MGAT5: variants seen among roughly 807,000 people sequenced by gnomAD.
The protein encoded by MGAT5 is alpha-1,6-mannosylglycoprotein 6-beta-N-acetylglucosaminyltransferase A.
In MGAT5, 30 loss-of-function variants were observed where a neutral mutation model predicts 94.3. The ratio of observed to expected loss-of-function variants is 0.32; its 90% confidence interval spans 0.24 to 0.43. The LOEUF (loss-of-function observed/expected upper bound fraction) is 0.43. Ranked by LOEUF, MGAT5 falls within the 20% of genes least tolerant of loss-of-function variation. The probability of loss-of-function intolerance (pLI) is 1.00; values close to 1 mark genes in which losing one functional copy is unlikely to be tolerated. For missense variants in MGAT5, 691 were observed against 905.5 expected (o/e 0.76, Z 3.04); for synonymous variants, 310 against 322.9 (o/e 0.96, Z 0.43).
intron 11 of MGAT5, among the ~76,000 whole-genome samples, chr2:134,407,778 G>A (rs1345777483): frequency 6.6e-6 from 1 of 152,162 alleles, no homozygotes; most frequent in Non-Finnish European, 1.5e-5. Context: ...AATGATACAA[G>A]CATAAAACTT....
At chr2:134,434,631 C>G (rs1396547128) in intron 14 of MGAT5, among the ~76,000 whole-genome samples, 1 of 151,234 alleles carries the variant, frequency 6.6e-6, no homozygotes, top group African/African-American at 2.4e-5. Flanking sequence ...TTCCCAGCAC[C>G]AGCTATCTGC....
At chr2:134,160,097 C>T (rs541798395) in intron 1 of MGAT5, among the ~76,000 whole-genome samples, 2 of 152,256 alleles carry the variant, frequency 1.3e-5, no homozygotes, top group African/African-American at 4.8e-5. Context: ...CCAGACAAGT[C>T]AATCAGCATA....
At chr2:134,436,614 C>T (rs555976826) in intron 14 of MGAT5, among the ~76,000 whole-genome samples, 1 of 152,246 alleles carries the variant, frequency 6.6e-6, no homozygotes, top group East Asian at 1.9e-4. Context: ...GCCATCCTGC[C>T]CTGCTGGACC....
At chr2:134,345,175 A>G in intron 8 of MGAT5, 111 bp downstream of exon 8, 4 of 1,083,450 alleles carry the variant, frequency 3.7e-6, no homozygotes, top group Non-Finnish European at 5.2e-6. Flanking sequence ...AGCTGTATGG[A>G]GTGTTGCTCA....
chr2:134,237,396 G>A (rs1406172443), intron 1 of MGAT5, among the ~76,000 whole-genome samples: 1 of 152,120 alleles, frequency 6.6e-6, no homozygotes, highest in African/African-American at 2.4e-5. Flanking sequence ...AATAATCTGG[G>A]AAGTTTTCTT....
intron 1 of MGAT5, among the ~76,000 whole-genome samples, chr2:134,255,498 CAT>C (rs950470313): frequency 2.7e-5 from 4 of 148,954 alleles, no homozygotes; most frequent in African/African-American, 9.9e-5. Context: ...TATATATACA[CAT>C]ATATACACAT....
At chr2:134,166,094 T>G (rs1001664570) in intron 1 of MGAT5, among the ~76,000 whole-genome samples, 1 of 152,178 alleles carries the variant, frequency 6.6e-6, no homozygotes, top group African/African-American at 2.4e-5. Flanking sequence ...GATCTAAAAC[T>G]GCATAAGACT....
chr2:134,370,589 G>A (rs1200483152), intron 10 of MGAT5, among the ~76,000 whole-genome samples: 1 of 152,274 alleles, frequency 6.6e-6, no homozygotes, highest in Non-Finnish European at 1.5e-5. Flanking sequence ...GCTTGCCAGA[G>A]GCAGGGAGGA....
At chr2:134,414,303 T>C (rs1205554405) in intron 12 of MGAT5, among the ~76,000 whole-genome samples, 1 of 152,202 alleles carries the variant, frequency 6.6e-6, no homozygotes, top group Non-Finnish European at 1.5e-5. Flanking sequence ...TAGGAAGTGC[T>C]AGGACACAGA....
At chr2:134,270,908 A>G (rs933158960) in intron 2 of MGAT5, among the ~76,000 whole-genome samples, 4 of 152,166 alleles carry the variant, frequency 2.6e-5, no homozygotes, top group East Asian at 1.9e-4. Context: ...CCATCAGACA[A>G]TTTTGAAAGT....
At chr2:134,319,029 C>A (rs1410683145) in intron 4 of MGAT5, among the ~76,000 whole-genome samples, 1 of 152,146 alleles carries the variant, frequency 6.6e-6, no homozygotes, top group Non-Finnish European at 1.5e-5. Context: ...GTGTATAGTT[C>A]AGTGGCATTA....
At chr2:134,373,065 T>G (rs980922918) in intron 10 of MGAT5, among the ~76,000 whole-genome samples, 1 of 152,220 alleles carries the variant, frequency 6.6e-6, no homozygotes, top group African/African-American at 2.4e-5. Flanking sequence ...GTAATTTGCC[T>G]GGAGGCTTTT....
intron 1 of MGAT5, among the ~76,000 whole-genome samples, chr2:134,196,205 A>G (rs1477494145): frequency 6.6e-6 from 1 of 152,230 alleles, no homozygotes; most frequent in African/African-American, 2.4e-5. Flanking sequence ...AGTTAGCAGA[A>G]GTGGAAATTT....
intron 1 of MGAT5, among the ~76,000 whole-genome samples, chr2:134,248,314 T>G (rs1281267589): frequency 6.6e-6 from 1 of 152,232 alleles, no homozygotes; most frequent in African/African-American, 2.4e-5. Flanking sequence ...TGCCGGCATT[T>G]CTTGTCTTTG....
chr2:134,147,968 A>G (rs1231015132), intron 1 of MGAT5, among the ~76,000 whole-genome samples: 1 of 152,204 alleles, frequency 6.6e-6, no homozygotes, highest in African/African-American at 2.4e-5. Context: ...ATCTCTAAAT[A>G]TTTTTTACAC....
At chr2:134,346,537 T>A (rs1218343879) in intron 8 of MGAT5, among the ~76,000 whole-genome samples, 2 of 152,160 alleles carry the variant, frequency 1.3e-5, no homozygotes, top group African/African-American at 4.8e-5. Flanking sequence ...CTAGCTGATT[T>A]CTTTCCCTTT....
intron 11 of MGAT5, among the ~76,000 whole-genome samples, chr2:134,410,029 G>C (rs2118844): frequency 6.6e-6 from 1 of 152,082 alleles, no homozygotes; most frequent in African/African-American, 2.4e-5. Flanking sequence ...GCAAGGTGAA[G>C]TATAAGTAAA....
At chr2:134,416,686 G>A (rs13423833) in intron 12 of MGAT5, among the ~76,000 whole-genome samples, 133 of 151,458 alleles carry the variant, frequency 8.8e-4, no homozygotes, top group African/African-American at 3.1e-3. Context: ...TAACTAGGCT[G>A]ATCTTGAACT....
intron 13 of MGAT5, among the ~76,000 whole-genome samples, chr2:134,425,402 G>T (rs1031134692): frequency 2.6e-5 from 4 of 151,666 alleles, no homozygotes; most frequent in Admixed American, 6.6e-5. Context: ...TTTGTGGTTG[G>T]TTTTTGTGTG....
Sources: gnomAD v4.1 joint callset for allele counts (sites outside exome capture counted in the v4.1 genomes callset) on GRCh38, gnomAD v4.1.1 for gene constraint, MANE v1.5 for transcripts, NCBI Gene and HGNC (gene_info 2026-07-23, HGNC 2026-07-21) for gene names.